Variants in TRIM16 observed in about 807,000 individuals in gnomAD.
TRIM16 encodes tripartite motif-containing protein 16.
In TRIM16, 33 loss-of-function variants were observed where a neutral mutation model predicts 50.4. That is an observed-to-expected ratio of 0.65 (90% confidence interval 0.50 to 0.88). The LOEUF (loss-of-function observed/expected upper bound fraction) is 0.88, where lower values mean the gene tolerates loss of function less well. TRIM16 is among the 40% of genes least tolerant of loss of function. The pLI, the probability that TRIM16 is intolerant of heterozygous loss-of-function variation, is 0.00. For missense variants in TRIM16, 581 were observed against 686.8 expected (o/e 0.85, Z 1.72); for synonymous variants, 229 against 270.7 (o/e 0.85, Z 1.51).
At chr17:15,661,931 A>G (rs967994065) in intron 6 of TRIM16, among the ~76,000 whole-genome samples, 7 of 152,168 alleles carry the variant, frequency 4.6e-5, no homozygotes. Flanking sequence ...CAAGTGAACT[A>G]CACAGGCCCA....
chr17:15,674,205 A>C (rs1988831746), intron 6 of TRIM16, among the ~76,000 whole-genome samples: 1 of 152,042 alleles, frequency 6.6e-6, no homozygotes, highest in Non-Finnish European at 1.5e-5. Flanking sequence ...CCCTGTCTCT[A>C]CAAAAAATAC....
At chr17:15,675,047 T>G (rs1306344779) in intron 6 of TRIM16, among the ~76,000 whole-genome samples, 2 of 152,024 alleles carry the variant, frequency 1.3e-5, no homozygotes, top group East Asian at 3.9e-4. Context: ...AACTAGAATT[T>G]CTTGGCTTAT....
intron 6 of TRIM16, among the ~76,000 whole-genome samples, chr17:15,660,977 A>G (rs1027767816): frequency 1.3e-5 from 2 of 152,088 alleles, no homozygotes; most frequent in Admixed American, 1.3e-4. Context: ...TGCCTTGTCA[A>G]GAGTATTTTA....
rs577988950 is a variant in TRIM16, at chr17:15,651,775, C to T, written c.-166G>A. On this transcript the variant is annotated 5_prime_UTR_variant, in exon 7 of 12. Coordinates refer to ENST00000649191, the MANE Select transcript of TRIM16 (RefSeq NM_001348119.1). ...TCGGCCACTCATTACTGTGTGCTGG[C>T]GCTGGATGGCAGCCAGATGCGATGA... The T allele has an allele frequency of 1.2e-5, 17 of 1,477,166 alleles. No homozygotes were observed. Among genetic ancestry groups the T allele is most frequent in the African/African-American group, 5.6e-5 (4 of 71,178 alleles). 91.5% of individuals were successfully genotyped at this position (1,477,166 alleles called of 1,614,324 possible).
chr17:15,634,858 A>G (rs1986650783), intron 9 of TRIM16, among the ~76,000 whole-genome samples: 1 of 148,872 alleles, frequency 6.7e-6, no homozygotes, highest in Admixed American at 6.6e-5. Context: ...CAAAACGAGA[A>G]AAGAGAAATA....
chr17:15,655,628 T>G (rs140037759), intron 6 of TRIM16, among the ~76,000 whole-genome samples: 3,476 of 151,940 alleles, frequency 0.023, 95 homozygotes, highest in African/African-American at 0.071. Context: ...AGGCTGGAGT[T>G]CAGTGGCATG....
Position 15,632,638 on chromosome 17 carries a change from A to G in TRIM16, c.886T>C (p.Phe296Leu). The change falls in exon 10 of 12, where the codon TTC (phenylalanine) becomes CTC (leucine). Residue 296 changes from phenylalanine to leucine, a missense_variant. Physicochemically the swap from Phe to Leu is conservative, Grantham distance 22. Transcript: ENST00000649191. ...TTCAGCCCTACGTAAACACTAGGGA[A>G]GGTGATGTCTTCAGTGTTCTTAAAC... is the stretch of plus-strand genomic sequence containing the variant. Reference protein sequence around the residue: ...CKFKNTEDITFPSVYVGLKDK... With the variant: ...CKFKNTEDITLPSVYVGLKDK... 6.2e-7 allele frequency: 1 copy of G among 1,613,234 alleles called. No individual in the cohort carries two copies. The highest frequency in any genetic ancestry group is 1.7e-4 in the Middle Eastern group (1 of 6,052).
Position 15,651,830 on chromosome 17 carries a change from G to C in TRIM16, c.-221C>G. 2 of 1,433,906 alleles carry C rather than the reference G, an allele frequency of 1.4e-6. No individual in the cohort carries two copies. Among genetic ancestry groups the C allele is most frequent in the Non-Finnish European group, 1.8e-6 (2 of 1,099,126 alleles). The allele number at this position is 1,433,906 out of a possible 1,614,324, so 88.8% of individuals were successfully genotyped here. On this transcript the variant is annotated 5_prime_UTR_variant, in exon 7 of 12. Coordinates refer to ENST00000649191, the MANE Select transcript of TRIM16 (RefSeq NM_001348119.1). ...AAGGCAGCTAGAGTACTCAGGCTCA[G>C]GACAGCCGGCTCAGGCTCAGGCTGC...
chr17:15,662,061 C>T (rs1485278036), intron 6 of TRIM16, among the ~76,000 whole-genome samples: 2 of 152,160 alleles, frequency 1.3e-5, no homozygotes, highest in African/African-American at 2.4e-5. Flanking sequence ...CTCCAGCTCC[C>T]AGGATGGGCT....
intron 11 of TRIM16, among the ~76,000 whole-genome samples, chr17:15,630,501 A>G (rs1447211256): frequency 3.3e-5 from 5 of 152,244 alleles, no homozygotes; most frequent in Admixed American, 3.3e-4. Context: ...AGCATATTAA[A>G]GGCTATTAAA....
rs889254134 is a variant in TRIM16, at chr17:15,628,942, G to C, written c.1368C>G (p.Arg456=). The part of the protein sequence containing the change: ...CKGIDRKGEE[R]NSCISGNNFS... Reference sequence around the variant, plus strand: ...AGTTGTTTCCGGAAATGCAACTGTTGCGCTCCTCCCCTTTCCGGTCGATGC... The same window carrying C: ...AGTTGTTTCCGGAAATGCAACTGTTCCGCTCCTCCCCTTTCCGGTCGATGC... The change falls in exon 12 of 12, where the codon CGC becomes CGG. Residue 456 remains arginine, a synonymous_variant. Transcript: ENST00000649191. 2 of 1,614,064 alleles carry C rather than the reference G, an allele frequency of 1.2e-6. No homozygotes were observed. Among genetic ancestry groups the C allele is most frequent in the Non-Finnish European group, 1.7e-6 (2 of 1,180,052 alleles).
rs919582426 is a variant in TRIM16 at position 15,684,259 on chromosome 17, G to A, written c.-962C>T. The A allele has an allele frequency of 2.0e-5, 3 of 152,304 alleles. No individual in the cohort carries two copies. Among genetic ancestry groups the A allele is most frequent in the African/African-American group, 7.2e-5 (3 of 41,538 alleles). 9.4% of individuals were successfully genotyped at this position (152,304 alleles called of 1,614,324 possible). ...GAGGGTGTCTGCTCTGGGGGACAGG[G>A]AGGACACAGACTCGCCACGCGCGGA... On this transcript the variant is annotated 5_prime_UTR_variant, in exon 1 of 12. Coordinates refer to ENST00000649191, the MANE Select transcript of TRIM16 (RefSeq NM_001348119.1).
At chr17:15,665,536 G>T (rs192343516) in intron 6 of TRIM16, among the ~76,000 whole-genome samples, 1 of 152,198 alleles carries the variant, frequency 6.6e-6, no homozygotes, top group East Asian at 1.9e-4. Flanking sequence ...AAAAAATAAA[G>T]AAAGAAAACA....
intron 7 of TRIM16, among the ~76,000 whole-genome samples, chr17:15,649,254 C>A (rs1229497315): frequency 6.6e-6 from 1 of 152,044 alleles, no homozygotes; most frequent in Non-Finnish European, 1.5e-5. Context: ...GGAGACCCTC[C>A]TTTCCTAGTA....
chr17:15,656,157 C>G (rs1191681489), intron 6 of TRIM16, among the ~76,000 whole-genome samples: 1 of 152,112 alleles, frequency 6.6e-6, no homozygotes, highest in East Asian at 1.9e-4. Context: ...ACCCTCAAAG[C>G]AGAACACCAC....
At chr17:15,639,849 T>C in intron 8 of TRIM16, among the ~76,000 whole-genome samples, 1 of 148,868 alleles carries the variant, frequency 6.7e-6, no homozygotes, top group Non-Finnish European at 1.5e-5. Context: ...CTGCCAGGTA[T>C]AGGCTCTGCA....
chr17:15,672,648 C>A (rs1226812237), intron 6 of TRIM16, among the ~76,000 whole-genome samples: 1 of 152,116 alleles, frequency 6.6e-6, no homozygotes, highest in East Asian at 1.9e-4. Flanking sequence ...GTGGGAGGAT[C>A]AAGGATCCTG....
intron 8 of TRIM16, among the ~76,000 whole-genome samples, chr17:15,637,119 G>T (rs1414017732): frequency 2.2e-5 from 3 of 135,800 alleles, no homozygotes; most frequent in African/African-American, 6.0e-5. Flanking sequence ...GGGAGGTGGG[G>T]GGGGGGGGTC....
intron 6 of TRIM16, among the ~76,000 whole-genome samples, chr17:15,652,449 G>A (rs2150920289): frequency 8.6e-6 from 1 of 116,918 alleles, no homozygotes; most frequent in East Asian, 2.7e-4. Context: ...GAGCCACGGT[G>A]CCCACCTTTT....
Sources: allele counts gnomAD v4.1 joint callset (sites outside exome capture counted in the v4.1 genomes callset), GRCh38; gene constraint gnomAD v4.1.1; transcripts MANE v1.5; gene names NCBI Gene and HGNC (gene_info 2026-07-23, HGNC 2026-07-21).